Variants in CEP164 observed in about 807,000 individuals in gnomAD.
CEP164 encodes the protein centrosomal protein 164.
CEP164 carries 162 observed loss-of-function variants against 182.7 expected under a neutral mutation model. That is an observed-to-expected ratio of 0.89 (90% CI 0.78 to 1.01). The LOEUF is 1.01. Ranked by LOEUF, CEP164 falls within the 50% of genes least tolerant of loss-of-function variation. The pLI is 0.00. For synonymous variants in CEP164, 661 were observed against 690.0 expected, an observed-to-expected ratio of 0.96 and a Z score of 0.66; for missense variants, 1,735 against 1,790.4, an observed-to-expected ratio of 0.97 and a Z score of 0.56.
chr11:117,358,425 A>G (rs1168307891), intron 5 of CEP164, among the ~76,000 whole-genome samples: 2 of 152,006 alleles, frequency 1.3e-5, no homozygotes, highest in African/African-American at 4.8e-5. Context: ...CAGTGTGGGG[A>G]TAATTTTGCT....
At chr11:117,322,178 T>A (rs974126443) in intron 1 of CEP164, among the ~76,000 whole-genome samples, 1 of 152,156 alleles carries the variant, frequency 6.6e-6, no homozygotes, top group African/African-American at 2.4e-5. Flanking sequence ...TACAGTGGCG[T>A]GATCTTGGCT....
chr11:117,354,986 T>C, intron 5 of CEP164: 1 of 1,289,482 alleles, frequency 7.8e-7, no homozygotes, highest in Non-Finnish European at 1.0e-6. Flanking sequence ...CTGCAGCTTG[T>C]CTCCTCCGTC....
upstream of CEP164, chr11:117,323,995 T>C (rs1221654791): frequency 4.0e-6 from 1 of 248,000 alleles, no homozygotes; most frequent in Admixed American, 4.7e-5. Flanking sequence ...AAAGTTCTAA[T>C]AGTGGTTTCT....
At chr11:117,370,586 A>G (rs536302631) in intron 8 of CEP164, among the ~76,000 whole-genome samples, 4 of 152,296 alleles carry the variant, frequency 2.6e-5, no homozygotes, top group South Asian at 2.1e-4. Flanking sequence ...GATTCTGTAG[A>G]TCTGGGGTGG....
chr11:117,325,982 C>G (rs985774909), upstream of CEP164, among the ~76,000 whole-genome samples: 29 of 141,402 alleles, frequency 2.1e-4, no homozygotes, highest in Non-Finnish European at 4.0e-4. Flanking sequence ...GAGACCTTGG[C>G]TTACCACAGA....
intron 2 of CEP164, 116 bp from the exon 3 acceptor site, chr11:117,338,450 C>G (rs2037549614): frequency 9.6e-6 from 7 of 729,660 alleles, no homozygotes; most frequent in Non-Finnish European, 1.7e-5. Context: ...AGGCCCTGGC[C>G]AAATTGCTCT....
intron 26 of CEP164, 62 bp from the exon 27 acceptor site, chr11:117,397,029 G>A: frequency 1.4e-6 from 2 of 1,464,070 alleles, no homozygotes; most frequent in South Asian, 1.3e-5. Context: ...GGAAGGGGCT[G>A]TGTGACCCAG....
chr11:117,336,128 T>G lies in CEP164; in HGVS notation c.-22+448T>G. The G allele has an allele frequency of 1.9e-6, 3 of 1,549,580 alleles. No individual in the cohort carries two copies. The African/African-American group carries it at 4.1e-5, about 21-fold the overall frequency. ...GAGCACAAGGGCTACTTTCCCCCAGTACAACATGGCTTCTGAAGCTTGATG... is the reference window on the plus strand; with the variant it reads ...GAGCACAAGGGCTACTTTCCCCCAGGACAACATGGCTTCTGAAGCTTGATG... On this transcript the variant is annotated intron_variant, in intron 2 of 32. Coordinates refer to ENST00000278935, the MANE Select transcript of CEP164 (RefSeq NM_014956.5).
intron 10 of CEP164, among the ~76,000 whole-genome samples, chr11:117,375,141 C>T (rs907565578): frequency 1.3e-5 from 2 of 152,208 alleles, no homozygotes; most frequent in African/African-American, 2.4e-5. Flanking sequence ...TCCAAACTGC[C>T]CACAGGTTTT....
At chr11:117,342,715 A>T (rs1289910362) in intron 3 of CEP164, among the ~76,000 whole-genome samples, 2 of 152,040 alleles carry the variant, frequency 1.3e-5, no homozygotes, top group African/African-American at 2.4e-5. Flanking sequence ...AGCTCAAGTG[A>T]TCTGCCCACC....
chr11:117,385,543 C>T (rs2043851153), intron 14 of CEP164: 1 of 152,284 alleles, frequency 6.6e-6, no homozygotes. Flanking sequence ...CCCTAGGGCT[C>T]CACATAGCTT....
At chr11:117,392,179 A>T (rs2044739117) in intron 17 of CEP164, 47 bp from the exon 18 acceptor site, 1 of 1,494,974 alleles carries the variant, frequency 6.7e-7, no homozygotes, top group Admixed American at 2.2e-5. Context: ...TCCCACCATG[A>T]TCAGTACCTG....
Position 117,351,887 on chromosome 11 carries a change from C to T in CEP164, c.292C>T (p.Gln98Ter), listed in dbSNP as rs1201959620. The T allele has an allele frequency of 6.2e-7, 1 of 1,613,010 alleles. No individual in the cohort carries two copies. Among genetic ancestry groups the T allele is most frequent in the South Asian group, 1.1e-5 (1 of 91,036 alleles). Reference protein sequence around the residue: ...CDEHYRSLVIQERAKLSTSGA... With the variant: ...CDEHYRSLVI ...CGAACACTATCGGAGCTTGGTGATC[C>T]AAGAGCGGGCAAAGCTGTCAACTTC... Residue 98 changes from glutamine to a stop codon, truncating the protein, a stop_gained, in exon 5 of 33, where the codon CAA becomes TAA. Transcript: ENST00000278935. LOFTEE classifies it high-confidence loss of function.
intron 27 of CEP164, among the ~76,000 whole-genome samples, chr11:117,405,922 T>A (rs1273180991): frequency 6.6e-6 from 1 of 152,204 alleles, no homozygotes; most frequent in Admixed American, 6.5e-5. Context: ...GACCTTATTG[T>A]TCATATCACT....
intron 28 of CEP164, 105 bp from the exon 29 acceptor site, chr11:117,408,785 A>G (rs1198675066): frequency 5.6e-6 from 8 of 1,431,344 alleles, no homozygotes; most frequent in Admixed American, 4.4e-5. Context: ...GACAAAACAT[A>G]AAGAAGAACC....
chr11:117,396,490 G>C lies in CEP164; in HGVS notation c.3217-60G>C, dbSNP rs78827894. ...CCACTGGGAGGGGCTTTGGGGTCTT[G>C]AACCTGCAGGGTGTCTGCTTTTGCT... On this transcript the variant is annotated intron_variant, in intron 25 of 32. Transcript: ENST00000278935. 222 of 1,417,404 alleles carry C rather than the reference G, an allele frequency of 1.6e-4. 1 individual carries two copies. In the African/African-American group the frequency reaches 2.2e-3, roughly 14 times the overall value. The allele number at this position is 1,417,404 out of a possible 1,614,324, so 87.8% of individuals were successfully genotyped here. A position where few individuals can be genotyped will look rare whatever the true frequency, so the allele number is the denominator to read the frequency against.
intron 14 of CEP164, 36 bp downstream of exon 14, chr11:117,382,978 C>T: frequency 6.3e-7 from 1 of 1,598,988 alleles, no homozygotes; most frequent in South Asian, 1.1e-5. Context: ...CCCTGACCTC[C>T]ACTGCGTGTG....
At chr11:117,410,292 A>G in intron 30 of CEP164, 1 of 487,410 alleles carries the variant, frequency 2.1e-6, no homozygotes, top group Middle Eastern at 5.4e-4. Context: ...TTATCTTAAT[A>G]GCTACCATCT....
intron 11 of CEP164, among the ~76,000 whole-genome samples, chr11:117,378,252 T>A (rs1286395107): frequency 1.3e-5 from 2 of 152,252 alleles, no homozygotes; most frequent in Non-Finnish European, 2.9e-5. Context: ...CTCAGCTTCC[T>A]GTAGCCTTAC....
Sources: gnomAD v4.1 joint callset for allele counts (sites outside exome capture counted in the v4.1 genomes callset) on GRCh38, gnomAD v4.1.1 for gene constraint, MANE v1.5 for transcripts, NCBI Gene and HGNC (gene_info 2026-07-23, HGNC 2026-07-21) for gene names.